NPAT: variants seen among roughly 807,000 people sequenced by gnomAD.
NPAT encodes the protein protein NPAT.
Under a neutral mutation model 130.7 loss-of-function variants are expected in NPAT, and 52 were observed. The ratio of observed to expected loss-of-function variants is 0.40; its 90% CI spans 0.32 to 0.50. The LOEUF is 0.50. Ranked by LOEUF, NPAT falls within the 20% of genes least tolerant of loss-of-function variation. The pLI is 0.68. For missense variants in NPAT, 1,687 were observed against 1,662.6 expected, an observed-to-expected ratio of 1.01 and a Z score of -0.26; for synonymous variants, 580 against 584.8, an observed-to-expected ratio of 0.99 and a Z score of 0.12.
At chr11:108,184,756 C>A (rs2078090283) in intron 10 of NPAT, among the ~76,000 whole-genome samples, 1 of 152,154 alleles carries the variant, frequency 6.6e-6, no homozygotes, top group Non-Finnish European at 1.5e-5. Flanking sequence ...GTCTCGAATT[C>A]CTGGCCTTAA....
intron 1 of NPAT, among the ~76,000 whole-genome samples, chr11:108,207,731 T>C: frequency 6.6e-6 from 1 of 152,284 alleles, no homozygotes; most frequent in South Asian, 2.1e-4. Flanking sequence ...GGGGCTTCCC[T>C]GGCCCCCGAG....
At chr11:108,210,375 T>G (rs898735255) in intron 1 of NPAT, among the ~76,000 whole-genome samples, 27 of 152,158 alleles carry the variant, frequency 1.8e-4, no homozygotes, top group African/African-American at 6.3e-4. Context: ...ATCCTTGAGA[T>G]AGTCAGTTCT....
At chr11:108,211,612 T>C (rs1017804044) in intron 1 of NPAT, among the ~76,000 whole-genome samples, 4 of 151,368 alleles carry the variant, frequency 2.6e-5, no homozygotes, top group Admixed American at 2.6e-4. Flanking sequence ...ATAAAAACAG[T>C]GATGCACCAT....
At chr11:108,206,788 T>A (rs2078329775) in intron 1 of NPAT, among the ~76,000 whole-genome samples, 1 of 152,200 alleles carries the variant, frequency 6.6e-6, no homozygotes. Flanking sequence ...AGGTTCACGG[T>A]CAACTGGAAG....
chr11:108,161,850 G>C lies in NPAT; in HGVS notation c.3236C>G (p.Pro1079Arg). Reference sequence around the variant, plus strand: ...GTTTTGGGACACCATCTTATGGTTTGGCCCCTGCGTATTTGCCACAGGAGC... The same window carrying C: ...GTTTTGGGACACCATCTTATGGTTTCGCCCCTGCGTATTTGCCACAGGAGC... The part of the protein sequence containing the change: ...TTAPVANTQG[P>R]NHKMVSQNKE... Residue 1079 changes from proline to arginine, a missense_variant, in exon 17 of 18, where the codon CCA (proline) becomes CGA (arginine). Coordinates refer to ENST00000278612, the MANE Select transcript of NPAT (RefSeq NM_002519.3). 1 of 1,614,070 alleles carries C rather than the reference G, an allele frequency of 6.2e-7. No homozygotes were observed. Among genetic ancestry groups the C allele is most frequent in the Admixed American group, 1.7e-5 (1 of 60,018 alleles).
At chr11:108,188,741 G>T (rs2078133566) in intron 6 of NPAT, among the ~76,000 whole-genome samples, 1 of 152,182 alleles carries the variant, frequency 6.6e-6, no homozygotes, top group Non-Finnish European at 1.5e-5. Context: ...AGATAGAGAA[G>T]TAGAAAGGCA....
chr11:108,204,371 A>G (rs2078305182), intron 1 of NPAT, among the ~76,000 whole-genome samples: 2 of 100,742 alleles, frequency 2.0e-5, no homozygotes, highest in African/African-American at 4.3e-5. Flanking sequence ...CCCTGGACTC[A>G]GCAACACGTG....
chr11:108,165,719 C>A (rs895012325), intron 15 of NPAT, among the ~76,000 whole-genome samples: 21 of 151,836 alleles, frequency 1.4e-4, no homozygotes, highest in Non-Finnish European at 2.6e-4. Context: ...CAAGCTCCGC[C>A]TCCCAGGTTC....
chr11:108,166,523 A>T (rs898750829), intron 15 of NPAT, among the ~76,000 whole-genome samples: 5 of 152,202 alleles, frequency 3.3e-5, no homozygotes, highest in African/African-American at 1.2e-4. Flanking sequence ...TCATCTTTGT[A>T]TGAGGAAGGG....
At chr11:108,169,448 T>G (rs1239162887) in intron 15 of NPAT, among the ~76,000 whole-genome samples, 2 of 152,218 alleles carry the variant, frequency 1.3e-5, no homozygotes, top group East Asian at 3.8e-4. Flanking sequence ...AGGCATTCAT[T>G]AAACACTTGA....
intron 2 of NPAT, among the ~76,000 whole-genome samples, chr11:108,196,907 T>C (rs1266820167): frequency 6.6e-6 from 1 of 152,226 alleles, no homozygotes; most frequent in East Asian, 1.9e-4. Flanking sequence ...ATCCACTATG[T>C]ACCAAATGAT....
intron 10 of NPAT, among the ~76,000 whole-genome samples, chr11:108,182,497 ATCTTT>A (rs768072321): frequency 2.6e-5 from 4 of 152,064 alleles, no homozygotes; most frequent in Non-Finnish European, 4.4e-5. Context: ...TGTTATTTAA[ATCTTT>A]TCTTTTTAGT....
intron 1 of NPAT, among the ~76,000 whole-genome samples, chr11:108,212,927 C>A (rs1384181834): frequency 9.9e-6 from 1 of 101,038 alleles, no homozygotes; most frequent in Non-Finnish European, 1.8e-5. Flanking sequence ...GCCTGGGCAA[C>A]AGAGCAAGAC....
Position 108,173,094 on chromosome 11 carries a change from A to C in NPAT, c.1890T>G (p.Ser630=). ...QVEIHLGDSL[S]STKQPSNDSA... is the part of the protein sequence containing the mutation. ...AATCATTAGATGGTTGTTTAGTAGA[A>C]GACAGCGAATCTCCAAGATGAATTT... Residue 630 remains serine (S), a synonymous_variant, in exon 13 of 18, where the codon TCT becomes TCG. Transcript: ENST00000278612. The C allele has an allele frequency of 6.2e-7, 1 of 1,614,116 alleles. No individual in the cohort carries two copies. The highest frequency in any genetic ancestry group is 8.5e-7 in the Non-Finnish European group (1 of 1,180,006).
intron 1 of NPAT, among the ~76,000 whole-genome samples, chr11:108,215,583 T>C (rs1205481649): frequency 6.6e-6 from 1 of 152,230 alleles, no homozygotes; most frequent in Non-Finnish European, 1.5e-5. Context: ...TTCTACTCTC[T>C]TCACCTGGAA....
chr11:108,174,205 G>C (rs2077982727), intron 12 of NPAT, among the ~76,000 whole-genome samples: 1 of 152,136 alleles, frequency 6.6e-6, no homozygotes, highest in Non-Finnish European at 1.5e-5. Flanking sequence ...CATTTCTTCT[G>C]ACTTTAATTT....
At chr11:108,190,425 G>A in intron 5 of NPAT, 35 bp downstream of exon 5, 2 of 1,561,762 alleles carry the variant, frequency 1.3e-6, no homozygotes, top group East Asian at 2.3e-5. Context: ...TAAGTTTGAA[G>A]TAATTGTGAA....
At chr11:108,181,289 C>G (rs1229090019) in intron 10 of NPAT, among the ~76,000 whole-genome samples, 2 of 152,156 alleles carry the variant, frequency 1.3e-5, no homozygotes, top group Non-Finnish European at 2.9e-5. Flanking sequence ...CATGGCAAAA[C>G]CCTGTCTCTA....
chr11:108,157,802 A>G lies in NPAT; in HGVS notation c.*1140T>C, dbSNP rs1007123841. On this transcript the variant is annotated 3_prime_UTR_variant, in exon 18 of 18. Transcript: ENST00000278612. ...TGTTCTCATTTAAAAGTTTAAACCA[A>G]TTCTTCAACTGGACTGATGTGTGTG... 1 of 152,500 alleles carries G rather than the reference A, an allele frequency of 6.6e-6. No homozygotes were observed. The highest frequency in any genetic ancestry group is 2.1e-4 in the South Asian group (1 of 4,830). The allele number at this position is 152,500 out of a possible 1,614,324, so 9.4% of individuals were successfully genotyped here. A position where few individuals can be genotyped will look rare whatever the true frequency, so the allele number is the denominator to read the frequency against.
Sources: allele counts gnomAD v4.1 joint callset (sites outside exome capture counted in the v4.1 genomes callset), GRCh38; gene constraint gnomAD v4.1.1; transcripts MANE v1.5; gene names NCBI Gene and HGNC (gene_info 2026-07-23, HGNC 2026-07-21).